Variants in LCK observed in about 807,000 individuals in gnomAD.
LCK encodes LCK proto-oncogene, Src family tyrosine kinase.
In LCK, 14 loss-of-function variants were observed where a neutral mutation model predicts 64.6. The ratio of observed to expected loss-of-function variants is 0.22; its 90% CI spans 0.14 to 0.34. The LOEUF (loss-of-function observed/expected upper bound fraction) is 0.34. LCK is among the 10% of genes least tolerant of loss of function. The pLI, the probability that LCK is intolerant of heterozygous loss-of-function variation, is 1.00. For missense variants in LCK, 434 were observed against 668.1 expected (o/e 0.65, Z 3.86); for synonymous variants, 277 against 263.6 (o/e 1.05, Z -0.49).
At chr1:32,279,474 C>T in intron 9 of LCK, 197 bp from the exon 10 acceptor site, 1 of 907,276 alleles carries the variant, frequency 1.1e-6, no homozygotes, top group Non-Finnish European at 1.6e-6. Context: ...TCCCAGCATG[C>T]TCTACCCTAG....
At chr1:32,281,508 C>A (rs1428189983) in intron 12 of LCK, among the ~76,000 whole-genome samples, 1 of 150,778 alleles carries the variant, frequency 6.6e-6, no homozygotes, top group Non-Finnish European at 1.5e-5. Context: ...AAATGAGAGA[C>A]CATTTGTGAA....
chr1:32,285,664 T>C lies in LCK; in HGVS notation c.1478T>C (p.Val493Ala). ...CCCACCTTTGACTACCTGCGCAGTG[T>C]GCTGGAGGACTTCTTCACGGCCACA... ...DRPTFDYLRS[V>A]LEDFFTATEG... Residue 493 changes from valine (V) to alanine (A), a missense_variant, in exon 13 of 13, where the codon GTG (valine) becomes GCG (alanine). Physicochemically the swap from Val to Ala is moderately conservative, Grantham distance 64. Coordinates refer to ENST00000336890, the MANE Select transcript of LCK (RefSeq NM_005356.5). The C allele has an allele frequency of 6.2e-7, 1 of 1,613,826 alleles. No individual in the cohort carries two copies. The highest frequency in any genetic ancestry group is 8.5e-7 in the Non-Finnish European group (1 of 1,179,886).
At chr1:32,280,255 G>A (rs759443516) in intron 12 of LCK, 45 bp downstream of exon 12, 2 of 1,607,304 alleles carry the variant, frequency 1.2e-6, no homozygotes, top group East Asian at 4.5e-5. Flanking sequence ...GGAAGGGCAA[G>A]TCCATGTCTT....
chr1:32,276,617 C>T lies in LCK; in HGVS notation c.795C>T (p.Asn265=), dbSNP rs368124365. 61 of 1,611,006 alleles carry T rather than the reference C, an allele frequency of 3.8e-5. No homozygotes were observed. The highest frequency in any genetic ancestry group is 2.0e-4 in the African/African-American group (15 of 74,868). The change falls in exon 9 of 13, where the codon AAC becomes AAT. Residue 265 remains asparagine (N), a synonymous_variant. Transcript: ENST00000336890. The surrounding 1 kb of genome is among the most constrained non-coding windows in gnomAD (Gnocchi z 4.6). ...QFGEVWMGYY[N]GHTKVAVKSL... ...CCTTCCCCGACCCAGGGTACTACAA[C>T]GGGCACACGAAGGTGGCGGTGAAGA... is the stretch of plus-strand genomic sequence containing the variant.
chr1:32,275,852 G>T lies in LCK; in HGVS notation c.482-62G>T. 6.3e-7 allele frequency: 1 copy of T among 1,590,114 alleles called. No homozygotes were observed. The highest frequency in any genetic ancestry group is 8.6e-7 in the Non-Finnish European group (1 of 1,166,116). On this transcript the variant is annotated intron_variant, in intron 6 of 12. Coordinates refer to ENST00000336890, the MANE Select transcript of LCK (RefSeq NM_005356.5). This position sits in a 1 kb window ranked among gnomAD's most constrained non-coding sequence, Gnocchi z 6.9. ...TGCTGGGTGAGCCCAAGGTGGGGGC[G>T]CGGTGGCGGGCCAGACTCACTGCGT... is the stretch of plus-strand genomic sequence containing the variant.
At position 32,276,119 on chromosome 1, in the gene LCK, C is replaced by A; in HGVS notation, c.631+56C>A. On this transcript the variant is annotated intron_variant, in intron 7 of 12. Coordinates refer to ENST00000336890, the MANE Select transcript of LCK (RefSeq NM_005356.5). The surrounding 1 kb of genome is among the most constrained non-coding windows in gnomAD (Gnocchi z 4.6). ...CTATCAGCCTATCTCCCCTCAGTCC[C>A]CCTCAGGTGTCCCCCATCCATCTTT... The A allele has an allele frequency of 6.3e-7, 1 of 1,589,678 alleles. No homozygotes were observed.
chr1:32,255,589 C>T (rs985912336), intron 1 of LCK, among the ~76,000 whole-genome samples: 9 of 152,078 alleles, frequency 5.9e-5, no homozygotes, highest in Non-Finnish European at 8.8e-5. Context: ...CTGTCATGTG[C>T]GGCCATGTTG....
At chr1:32,269,066 C>G (rs140733416) in intron 1 of LCK, among the ~76,000 whole-genome samples, 4 of 149,826 alleles carry the variant, frequency 2.7e-5, no homozygotes, top group African/African-American at 9.8e-5. Context: ...TGCAGTGAGC[C>G]CAGATCACAC....
At chr1:32,284,925 A>C (rs1640569419) in intron 12 of LCK, among the ~76,000 whole-genome samples, 2 of 152,148 alleles carry the variant, frequency 1.3e-5, no homozygotes, top group Admixed American at 6.6e-5. Context: ...TCAAATTTGC[A>C]ATGTGCTATG....
intron 1 of LCK, among the ~76,000 whole-genome samples, chr1:32,257,165 G>A (rs1476805402): frequency 6.6e-6 from 1 of 151,748 alleles, no homozygotes; most frequent in Non-Finnish European, 1.5e-5. Flanking sequence ...TCATCATTTT[G>A]CTGATGAAGG....
At chr1:32,274,603 C>A in intron 2 of LCK, 134 bp from the exon 3 acceptor site, 1 of 926,634 alleles carries the variant, frequency 1.1e-6, no homozygotes, top group Non-Finnish European at 1.6e-6. Context: ...TAAGATCACA[C>A]AGAAAGTAGT....
At chr1:32,266,485 G>C (rs190279997) in intron 1 of LCK, among the ~76,000 whole-genome samples, 1,522 of 137,802 alleles carry the variant, frequency 0.011, 114 homozygotes, top group Admixed American at 0.1. Context: ...CTGGGCAACA[G>C]AGCGAGACTC....
chr1:32,274,215 T>C, intron 1 of LCK, 110 bp from the exon 2 acceptor site: 1 of 1,568,742 alleles, frequency 6.4e-7, no homozygotes, highest in Non-Finnish European at 8.6e-7. Flanking sequence ...TCCCAGGATC[T>C]CACAATCTCA....
Position 32,276,264 on chromosome 1 carries a change from G to C in LCK, c.632-73G>C, listed in dbSNP as rs1261011387. On this transcript the variant is annotated intron_variant, in intron 7 of 12. Coordinates refer to ENST00000336890, the MANE Select transcript of LCK (RefSeq NM_005356.5). This position sits in a 1 kb window ranked among gnomAD's most constrained non-coding sequence, Gnocchi z 4.6. ...TCCACTTCACCTAGATGGGGGCTTG[G>C]AGAAGTGGGGGAGGTGGTGTCAATA... 7.3e-6 allele frequency: 11 copies of C among 1,510,618 alleles called. No individual in the cohort carries two copies. The highest frequency in any genetic ancestry group is 1.4e-5 in the African/African-American group (1 of 72,110). 93.6% of individuals were successfully genotyped at this position (1,510,618 alleles called of 1,614,324 possible).
At chr1:32,264,587 G>C (rs1639864040) in intron 1 of LCK, among the ~76,000 whole-genome samples, 1 of 152,004 alleles carries the variant, frequency 6.6e-6, no homozygotes, top group South Asian at 2.1e-4. Flanking sequence ...CTTTTCCCCA[G>C]TTTTAAAATG....
intron 12 of LCK, among the ~76,000 whole-genome samples, chr1:32,282,760 C>T (rs1043743615): frequency 1.3e-4 from 19 of 151,922 alleles, no homozygotes; most frequent in Admixed American, 6.6e-5. Flanking sequence ...GAGCCATGAT[C>T]ACGCTGTTGC....
intron 1 of LCK, among the ~76,000 whole-genome samples, chr1:32,261,750 A>G (rs572602501): frequency 2.0e-5 from 3 of 150,826 alleles, no homozygotes; most frequent in Admixed American, 1.3e-4. Context: ...TCAGGAGTTT[A>G]AGACCAGCCT....
chr1:32,277,977 A>G (rs1640333569), intron 9 of LCK, among the ~76,000 whole-genome samples: 1 of 152,088 alleles, frequency 6.6e-6, no homozygotes, highest in Non-Finnish European at 1.5e-5. Flanking sequence ...GAAGTTCAAG[A>G]CCAGTCTGTG....
At position 32,275,437 on chromosome 1, in the gene LCK, G is replaced by T. The variant is rs372533013; in HGVS notation, c.377+18G>T. On this transcript the variant is annotated intron_variant, in intron 5 of 12. Transcript: ENST00000336890. The surrounding 1 kb of genome is among the most constrained non-coding windows in gnomAD (Gnocchi z 6.9). Reference sequence around the variant, plus strand: ...CCCGAACCGTAAGTGGGGACCCGTCGTGGGGGTGGGTAGGAGCAGATCTAG... The same window carrying T: ...CCCGAACCGTAAGTGGGGACCCGTCTTGGGGGTGGGTAGGAGCAGATCTAG... The T allele has an allele frequency of 4.3e-6, 7 of 1,612,600 alleles. No individual in the cohort carries two copies. Among genetic ancestry groups the T allele is most frequent in the South Asian group, 3.3e-5 (3 of 90,980 alleles).
Sources: gnomAD v4.1 joint callset for allele counts (sites outside exome capture counted in the v4.1 genomes callset) on GRCh38, gnomAD v4.1.1 for gene constraint, Gnocchi (gnomAD v3.1) non-coding constraint, MANE v1.5 for transcripts, NCBI Gene and HGNC (gene_info 2026-07-23, HGNC 2026-07-21) for gene names.